Variants in FLNA observed in about 807,000 individuals in gnomAD.
FLNA encodes filamin A.
In FLNA, 7 loss-of-function variants were observed where a neutral mutation model predicts 157.6. The observed-to-expected ratio is 0.04, with a 90% confidence interval of 0.03 to 0.08. The LOEUF is 0.08. Ranked by LOEUF, FLNA falls within the 10% of genes least tolerant of loss-of-function variation. The pLI, the probability that FLNA is intolerant of heterozygous loss-of-function variation, is 1.00. For synonymous variants in FLNA, 1,103 were observed against 1,060.8 expected (o/e 1.04, Z -0.77); for missense variants, 1,750 against 2,398.4 (o/e 0.73, Z 5.65).
In FLNA at chrX:154,366,547, T is replaced by A. The variant is rs1557179320; in HGVS notation, c.1065+15A>T. ...TGCCTGAGGTCACAAGCCTCCCCCC[T>A]GGCCAAGGGCTCACCTTATGAGTCC... On this transcript the variant is annotated intron_variant, in intron 7 of 47. Coordinates refer to ENST00000369850, the MANE Select transcript of FLNA (RefSeq NM_001110556.2). 1 of 1,210,231 alleles carries A rather than the reference T, an allele frequency of 8.3e-7. No homozygotes were observed. Among genetic ancestry groups the A allele is most frequent in the Admixed American group, 2.2e-5 (1 of 46,161 alleles).
In FLNA at chrX:154,349,417, C is replaced by T; in HGVS notation, c.7701G>A (p.Leu2567=). The change falls in exon 47 of 48, where the codon CTG becomes CTA. Residue 2567 remains leucine, a synonymous_variant. Transcript: ENST00000369850. ...ASKVVAKGLG[L]SKAYVGQKSS... ...TCTTCTGGCCTACGTAGGCCTTGCT[C>T]AGCCCCAGGCCCTTGGCCACCACCT... 8.3e-7 allele frequency: 1 copy of T among 1,212,103 alleles called. No individual in the cohort carries two copies. Among genetic ancestry groups the T allele is most frequent in the Non-Finnish European group, 1.1e-6 (1 of 895,588 alleles).
chrX:154,357,917 T>C (rs1438386983), intron 28 of FLNA, among the ~76,000 whole-genome samples: 1 of 112,384 alleles, frequency 8.9e-6, no homozygotes, highest in Non-Finnish European at 1.9e-5. Flanking sequence ...CTCAAGCTTC[T>C]ATCCTATACC....
chrX:154,354,715 C>T lies in FLNA; in HGVS notation c.5218-4G>A, dbSNP rs370196495. On this transcript the variant is annotated splice_region_variant and splice_polypyrimidine_tract_variant and intron_variant, in intron 31 of 47. Coordinates refer to ENST00000369850, the MANE Select transcript of FLNA (RefSeq NM_001110556.2). Reference sequence around the variant, plus strand: ...AGGGCTGGTCCCCAGCCAGAGCCTGCAGGGCAAAGCAGAGAGCTGCTGGAG... The same window carrying T: ...AGGGCTGGTCCCCAGCCAGAGCCTGTAGGGCAAAGCAGAGAGCTGCTGGAG... 1.0e-4 allele frequency: 121 copies of T among 1,206,336 alleles called. No individual in the cohort carries two copies. The highest frequency in any genetic ancestry group is 6.9e-4 in the Middle Eastern group (3 of 4,344).
chrX:154,366,426 G>T lies in FLNA; in HGVS notation c.1110C>A (p.Phe370Leu). The T allele has an allele frequency of 8.3e-7, 1 of 1,211,561 alleles. No individual in the cohort carries two copies. The highest frequency in any genetic ancestry group is 1.1e-6 in the Non-Finnish European group (1 of 895,236). Residue 370 changes from phenylalanine to leucine, a missense_variant, in exon 8 of 48, where the codon TTC (phenylalanine) becomes TTA (leucine). Physicochemically the swap from Phe to Leu is conservative, Grantham distance 22. Coordinates refer to ENST00000369850, the MANE Select transcript of FLNA (RefSeq NM_001110556.2). ...FAGQHIAKSPFEVYVDKSQGD... is the reference protein window; with the variant it reads ...FAGQHIAKSPLEVYVDKSQGD... ...CCTGTGACTTATCCACGTACACCTCGAAGGGGCTCTTGGCGATGTGCTGGC... is the reference window on the plus strand; with the variant it reads ...CCTGTGACTTATCCACGTACACCTCTAAGGGGCTCTTGGCGATGTGCTGGC...
rs1557176488 is a variant in FLNA, at chrX:154,354,606, C to T, written c.5313+10G>A. On this transcript the variant is annotated intron_variant, in intron 32 of 47. Transcript: ENST00000369850. ...GCTAGCCCCAGTGTCCCTAGCTGGC[C>T]AGGCCGTACCCAAGTCTGCTGGCCG... is the stretch of plus-strand genomic sequence containing the variant. The T allele has an allele frequency of 8.4e-7, 1 of 1,194,847 alleles. No individual in the cohort carries two copies. Among genetic ancestry groups the T allele is most frequent in the African/African-American group, 1.7e-5 (1 of 57,574 alleles).
chrX:154,354,052 G>A lies in FLNA; in HGVS notation c.5558-9C>T. ...GAACTGCAAGGGGCTTCCTGAGGCA[G>A]GAAGAAGGGCCTTGTGGAATGGCAG... On this transcript the variant is annotated splice_polypyrimidine_tract_variant and intron_variant, in intron 34 of 47. Transcript: ENST00000369850. 1 of 1,212,149 alleles carries A rather than the reference G, an allele frequency of 8.2e-7. No individual in the cohort carries two copies. Among genetic ancestry groups the A allele is most frequent in the South Asian group, 1.8e-5 (1 of 57,057 alleles).
chrX:154,369,553 C>G (rs1557179975), intron 2 of FLNA, among the ~76,000 whole-genome samples: 1 of 110,213 alleles, frequency 9.1e-6, no homozygotes, highest in Admixed American at 9.5e-5. Flanking sequence ...CCTCCCTCCC[C>G]TAATCACTGC....
rs1603363336 is a variant in FLNA, at chrX:154,368,184, A to C, written c.374-94T>G. 11 of 1,138,839 alleles carry C rather than the reference A, an allele frequency of 9.7e-6. No homozygotes were observed. In the East Asian group the frequency reaches 3.0e-4, roughly 31 times the overall value. The allele number at this position is 1,138,839 out of a possible 1,213,427, so 93.9% of individuals were successfully genotyped here. ...TCAGGGTCTGGCAGCACGGGGTAGC[A>C]GGGGCCAAGGAGGAGGTAGACACCC... On this transcript the variant is annotated intron_variant, in intron 2 of 47. Transcript: ENST00000369850.
At chrX:154,371,402 G>T (rs782674469) in intron 1 of FLNA, 41 bp from the exon 2 acceptor site, 16 of 672,356 alleles carry the variant, frequency 2.4e-5, no homozygotes, top group South Asian at 1.5e-4. Flanking sequence ...GAGGAGGGCG[G>T]GGCCAGAGGG....
chrX:154,358,713 C>G, intron 26 of FLNA, 145 bp from the exon 27 acceptor site: 1 of 791,958 alleles, frequency 1.3e-6, no homozygotes, highest in Non-Finnish European at 1.9e-6. Flanking sequence ...CCTTGACCCC[C>G]TCTGGCACGA....
In FLNA at chrX:154,363,570, C is replaced by CG. The variant is rs1308398430; in HGVS notation, c.2280+451dup. ...TCTACTAAAAATACAAAAAATTAGC[C>CG]GGGGGGGTGGCGGGCGCCTGTAGTC... On this transcript the variant is annotated intron_variant, in intron 15 of 47. Coordinates refer to ENST00000369850, the MANE Select transcript of FLNA (RefSeq NM_001110556.2). 3.7e-5 allele frequency among the ~76,000 whole-genome samples: 4 copies of CG among 109,294 alleles called. No homozygotes were observed. In the Admixed American group the frequency reaches 3.9e-4, roughly 11 times the overall value. 94.9% of individuals were successfully genotyped at this position (109,294 alleles called of 115,157 possible). A position where few individuals can be genotyped will look rare whatever the true frequency, so the allele number is the denominator to read the frequency against.
intron 10 of FLNA, 37 bp from the exon 11 acceptor site, chrX:154,365,296 G>A (rs2067749156): frequency 8.3e-7 from 1 of 1,210,809 alleles, no homozygotes; most frequent in African/African-American, 1.7e-5. Context: ...CTGCCCAGCA[G>A]TGAACCCGGG....
intron 44 of FLNA, 25 bp downstream of exon 44, chrX:154,350,884 C>T: frequency 4.1e-6 from 5 of 1,205,481 alleles, no homozygotes; most frequent in East Asian, 3.0e-5. Flanking sequence ...CAGGGCAGGG[C>T]GGCCGGGCAG....
rs781805670 is a variant in FLNA, at chrX:154,366,440, C to T, written c.1096G>A (p.Ala366Thr). ...ACGTACACCTCGAAGGGGCTCTTGG[C>T]GATGTGCTGGCCAGCAAAGAGCACA... The part of the protein sequence containing the change: ...VTVLFAGQHI[A>T]KSPFEVYVDK... Residue 366 changes from alanine (A) to threonine (T), a missense_variant, in exon 8 of 48, where the codon GCC becomes ACC. Transcript: ENST00000369850. 6 of 1,210,090 alleles carry T rather than the reference C, an allele frequency of 5.0e-6. No individual in the cohort carries two copies. Among genetic ancestry groups the T allele is most frequent in the Non-Finnish European group, 4.5e-6 (4 of 894,956 alleles).
intron 12 of FLNA, 43 bp from the exon 13 acceptor site, chrX:154,364,762 G>A (rs2148116400): frequency 1.7e-6 from 2 of 1,208,212 alleles, no homozygotes; most frequent in Non-Finnish European, 1.1e-6. Context: ...GGAGCCTCAG[G>A]GTGGGCCGTC....
intron 35 of FLNA, 57 bp from the exon 36 acceptor site, chrX:154,353,784 G>A: frequency 8.4e-7 from 1 of 1,190,035 alleles, no homozygotes; most frequent in South Asian, 1.8e-5. Flanking sequence ...CAGTTGGCCT[G>A]CACTGAGGAG....
intron 7 of FLNA, 39 bp from the exon 8 acceptor site, chrX:154,366,509 G>A (rs782064269): frequency 4.1e-6 from 5 of 1,208,048 alleles, no homozygotes; most frequent in Non-Finnish European, 5.6e-6. Flanking sequence ...TAGGGCTGGG[G>A]GCCTCCAGCC....
At position 154,360,452 on chromosome X, in the gene FLNA, A is replaced by G. The variant is rs1286752101; in HGVS notation, c.3343T>C (p.Leu1115=). The change falls in exon 22 of 48, where the codon TTG becomes CTG. Residue 1115 remains leucine, a synonymous_variant. Transcript: ENST00000369850. ...GAACATGTGCCATCCCCATTGTCCA[A>G]GCACTCGAGCTGCGCCTCACAGGGG... ...EGPCEAQLEC[L]DNGDGTCSVS... The G allele has an allele frequency of 8.3e-7, 1 of 1,211,569 alleles. No individual in the cohort carries two copies. Among genetic ancestry groups the G allele is most frequent in the African/African-American group, 1.7e-5 (1 of 58,029 alleles).
chrX:154,351,497 C>A, intron 43 of FLNA, 84 bp downstream of exon 43: 1 of 670,719 alleles, frequency 1.5e-6, no homozygotes. Flanking sequence ...TCACTGAACA[C>A]AGGGCCAAGG....
Sources: gnomAD v4.1 joint callset for allele counts (sites outside exome capture counted in the v4.1 genomes callset) on GRCh38, gnomAD v4.1.1 for gene constraint, MANE v1.5 for transcripts, NCBI Gene and HGNC (gene_info 2026-07-23, HGNC 2026-07-21) for gene names.